The following MAGI3 variants were observed in gnomAD, a reference collection of about 807,000 sequenced individuals.
MAGI3 encodes membrane associated guanylate kinase, WW and PDZ domain containing 3.
A neutral mutation model predicts 121.8 loss-of-function variants in MAGI3; 43 were observed. That is an observed-to-expected ratio of 0.35 (90% CI 0.28 to 0.46). MAGI3 has a LOEUF of 0.46. Ranked by LOEUF, MAGI3 falls within the 20% of genes least tolerant of loss-of-function variation. The probability of loss-of-function intolerance (pLI) is 1.00; values close to 1 mark genes in which losing one functional copy is unlikely to be tolerated. For missense variants in MAGI3, 1,547 were observed against 1,797.3 expected, an observed-to-expected ratio of 0.86 and a Z score of 2.52; for synonymous variants, 553 against 639.3, an observed-to-expected ratio of 0.86 and a Z score of 2.04.
chr1:113,479,885 T>C (rs1384029262), intron 1 of MAGI3, among the ~76,000 whole-genome samples: 1 of 152,184 alleles, frequency 6.6e-6, no homozygotes, highest in Non-Finnish European at 1.5e-5. Context: ...GAAAGCTCTC[T>C]ATGGAATTTT....
chr1:113,477,997 C>T (rs1435111617), intron 1 of MAGI3, among the ~76,000 whole-genome samples: 3 of 151,988 alleles, frequency 2.0e-5, no homozygotes, highest in Non-Finnish European at 4.4e-5. Flanking sequence ...TCACTGATAC[C>T]CTTTATTCCA....
chr1:113,431,722 A>G (rs12071016), intron 1 of MAGI3, among the ~76,000 whole-genome samples: 24,152 of 152,176 alleles, frequency 0.16, 2,237 homozygotes, highest in Non-Finnish European at 0.2. Flanking sequence ...AAAATCTTAA[A>G]TGGAGAGAAA....
intron 4 of MAGI3, among the ~76,000 whole-genome samples, chr1:113,586,969 G>A (rs1648400731): frequency 6.6e-6 from 1 of 152,248 alleles, no homozygotes; most frequent in Non-Finnish European, 1.5e-5. Flanking sequence ...GGGTGTGTGG[G>A]AGGCAGTTCG....
In MAGI3 at chr1:113,682,889, T is replaced by G; in HGVS notation, c.3329-8T>G. The G allele has an allele frequency of 6.4e-7, 1 of 1,554,534 alleles. No individual in the cohort carries two copies. The highest frequency in any genetic ancestry group is 8.7e-7 in the Non-Finnish European group (1 of 1,155,858). On this transcript the variant is annotated splice_region_variant and splice_polypyrimidine_tract_variant and intron_variant, in intron 20 of 20. Coordinates refer to ENST00000307546, the MANE Select transcript of MAGI3 (RefSeq NM_001142782.2). ...TTTAATAATGTTCCATTCAAATCAC[T>G]TTTTTAGGTGATTGGGATATTAATA...
chr1:113,567,563 C>T (rs111306217), intron 2 of MAGI3, among the ~76,000 whole-genome samples: 115 of 152,148 alleles, frequency 7.6e-4, no homozygotes, highest in African/African-American at 2.6e-3. Flanking sequence ...AAAAATCATA[C>T]ATCTTGACCA....
chr1:113,514,587 G>T (rs1452535365), intron 1 of MAGI3, among the ~76,000 whole-genome samples: 1 of 151,354 alleles, frequency 6.6e-6, no homozygotes, highest in Non-Finnish European at 1.5e-5. Context: ...AGATCACATG[G>T]ACACAGGAAG....
chr1:113,431,177 G>A (rs1653280974), intron 1 of MAGI3, among the ~76,000 whole-genome samples: 2 of 152,110 alleles, frequency 1.3e-5, no homozygotes, highest in African/African-American at 2.4e-5. Flanking sequence ...CATTAACCTG[G>A]CATGGTGGTG....
At chr1:113,624,428 G>A (rs1651090878) in intron 9 of MAGI3, among the ~76,000 whole-genome samples, 2 of 152,140 alleles carry the variant, frequency 1.3e-5, no homozygotes. Flanking sequence ...ATACCTCATT[G>A]TGCTTTTGAT....
Position 113,653,895 on chromosome 1 carries a change from A to G in MAGI3, c.2506A>G (p.Asn836Asp). The G allele has an allele frequency of 6.2e-7, 1 of 1,614,024 alleles. No individual in the cohort carries two copies. The highest frequency in any genetic ancestry group is 8.5e-7 in the Non-Finnish European group (1 of 1,179,956). Reference sequence around the variant, plus strand: ...AACACAGAATGGATCTCCCCGCCTGAACCGGGCAGAGGTCCCAGCCAGGCC... The same window carrying G: ...AACACAGAATGGATCTCCCCGCCTGGACCGGGCAGAGGTCCCAGCCAGGCC... ...ISTQNGSPRL[N>D]RAEVPARPAP... Residue 836 changes from asparagine (N) to aspartate (D), a missense_variant, in exon 15 of 21, where the codon AAC becomes GAC. Physicochemically the swap from Asn to Asp is conservative, Grantham distance 23 (BLOSUM62 1). Transcript: ENST00000307546.
At chr1:113,515,317 G>A (rs1030455250) in intron 1 of MAGI3, among the ~76,000 whole-genome samples, 2 of 152,052 alleles carry the variant, frequency 1.3e-5, no homozygotes, top group East Asian at 3.8e-4. Flanking sequence ...TAAACTAGTA[G>A]CATGGCTTGA....
At chr1:113,643,873 C>A in intron 11 of MAGI3, 99 bp downstream of exon 11, 1 of 1,274,456 alleles carries the variant, frequency 7.8e-7, no homozygotes, top group Non-Finnish European at 1.1e-6. Context: ...TGATTATCGA[C>A]TGGGAGAAGT....
At chr1:113,578,323 G>A (rs1647787972) in intron 2 of MAGI3, among the ~76,000 whole-genome samples, 1 of 152,106 alleles carries the variant, frequency 6.6e-6, no homozygotes. Context: ...GAGGCAACAG[G>A]CCCCACCTCT....
intron 9 of MAGI3, among the ~76,000 whole-genome samples, chr1:113,634,046 G>C (rs1366466028): frequency 2.6e-5 from 4 of 151,754 alleles, no homozygotes; most frequent in Non-Finnish European, 5.9e-5. Flanking sequence ...TTTGAGAAGT[G>C]TCTGTTCATG....
chr1:113,505,642 A>G (rs1657290266), intron 1 of MAGI3, among the ~76,000 whole-genome samples: 1 of 152,036 alleles, frequency 6.6e-6, no homozygotes. Flanking sequence ...GGAAAAGGAG[A>G]GGAGGTTTAA....
chr1:113,492,576 G>A (rs1253430415), intron 1 of MAGI3, among the ~76,000 whole-genome samples: 1 of 152,094 alleles, frequency 6.6e-6, no homozygotes, highest in Non-Finnish European at 1.5e-5. Flanking sequence ...GAAAGACAGA[G>A]CATCCATATA....
chr1:113,648,068 G>A (rs1448063342), intron 12 of MAGI3, among the ~76,000 whole-genome samples: 7 of 152,100 alleles, frequency 4.6e-5, no homozygotes, highest in East Asian at 1.9e-4. Flanking sequence ...CACTACAGGC[G>A]TATGCCACCA....
chr1:113,504,740 G>A (rs1475632175), intron 1 of MAGI3, among the ~76,000 whole-genome samples: 1 of 151,972 alleles, frequency 6.6e-6, no homozygotes, highest in Non-Finnish European at 1.5e-5. Flanking sequence ...AAAAGTACTG[G>A]TATGTACAAG....
intron 9 of MAGI3, among the ~76,000 whole-genome samples, chr1:113,635,286 G>A (rs940840766): frequency 9.9e-5 from 15 of 152,116 alleles, no homozygotes; most frequent in African/African-American, 3.6e-4. Flanking sequence ...GGTGAGAGAG[G>A]GCATCCCTGT....
In MAGI3 at chr1:113,642,282, A is replaced by G. The variant is rs775345074; in HGVS notation, c.1732A>G (p.Thr578Ala). 6.2e-7 allele frequency: 1 copy of G among 1,614,184 alleles called. No individual in the cohort carries two copies. Among genetic ancestry groups the G allele is most frequent in the Non-Finnish European group, 8.5e-7 (1 of 1,180,030 alleles). ...SSGSSQPELV[T>A]IPLIKGPKGF... The stretch of plus-strand genomic sequence containing the variant: ...AGGCAGCTCCCAGCCTGAACTAGTG[A>G]CTATCCCTTTGATTAAGGGCCCTAA... Residue 578 changes from threonine to alanine, a missense_variant, in exon 10 of 21, where the codon ACT becomes GCT. Physicochemically the swap from Thr to Ala is moderately conservative, Grantham distance 58. Coordinates refer to ENST00000307546, the MANE Select transcript of MAGI3 (RefSeq NM_001142782.2).
Sources: gnomAD v4.1 joint callset for allele counts (sites outside exome capture counted in the v4.1 genomes callset) on GRCh38, gnomAD v4.1.1 for gene constraint, MANE v1.5 for transcripts, NCBI Gene and HGNC (gene_info 2026-07-23, HGNC 2026-07-21) for gene names.